Variants in ANK3 observed in about 807,000 individuals in gnomAD.
ANK3 encodes the protein ankyrin-3.
ANK3 carries 57 observed loss-of-function variants against 370.9 expected under a neutral mutation model. That is an observed-to-expected ratio of 0.15 (90% confidence interval 0.12 to 0.19). The LOEUF (loss-of-function observed/expected upper bound fraction) is 0.19, where lower values mean the gene tolerates loss of function less well. ANK3 is among the 10% of genes least tolerant of loss of function. ANK3 has a pLI of 1.00. For synonymous variants in ANK3, 1,929 were observed against 1,946.3 expected, an observed-to-expected ratio of 0.99 and a Z score of 0.23; for missense variants, 4,439 against 5,302.1, an observed-to-expected ratio of 0.84 and a Z score of 5.06.
At chr10:60,062,954 C>G in intron 40 of ANK3, 157 bp downstream of exon 40, 1 of 662,266 alleles carries the variant, frequency 1.5e-6, no homozygotes. Flanking sequence ...CAAGTTTGCT[C>G]TGATATCAGA....
At chr10:60,337,142 T>C (rs1370773016) in intron 1 of ANK3, among the ~76,000 whole-genome samples, 1 of 152,170 alleles carries the variant, frequency 6.6e-6, no homozygotes, top group African/African-American at 2.4e-5. Context: ...GATGGTTTAA[T>C]TATGAGTTGG....
intron 21 of ANK3, among the ~76,000 whole-genome samples, chr10:60,170,913 T>C (rs999851919): frequency 6.6e-6 from 1 of 152,230 alleles, no homozygotes; most frequent in African/African-American, 2.4e-5. Context: ...AACTTTTACA[T>C]GTCTCAAGTC....
intron 1 of ANK3, among the ~76,000 whole-genome samples, chr10:60,336,837 A>G (rs1473789132): frequency 6.6e-6 from 1 of 152,112 alleles, no homozygotes; most frequent in Non-Finnish European, 1.5e-5. Flanking sequence ...AAAGTACCCA[A>G]TGTTTAGACA....
intron 2 of ANK3, among the ~76,000 whole-genome samples, chr10:60,490,094 T>A (rs1057358585): frequency 6.6e-6 from 1 of 152,176 alleles, no homozygotes; most frequent in South Asian, 2.1e-4. Flanking sequence ...AGAGCGCATA[T>A]GTAGGATGAG....
intron 2 of ANK3, among the ~76,000 whole-genome samples, chr10:60,573,294 A>C (rs2077639815): frequency 1.3e-5 from 2 of 152,050 alleles, no homozygotes; most frequent in African/African-American, 2.4e-5. Flanking sequence ...TGCAGGGTTT[A>C]TGACGGAAAG....
intron 7 of ANK3, among the ~76,000 whole-genome samples, chr10:60,245,260 TAA>T (rs2097536507): frequency 1.3e-5 from 2 of 152,260 alleles, no homozygotes; most frequent in African/African-American, 2.4e-5. Context: ...TTAATTTTCT[TAA>T]GAGTATAAAA....
chr10:60,602,117 CTAAG>C (rs927178098), intron 2 of ANK3, among the ~76,000 whole-genome samples: 25 of 152,116 alleles, frequency 1.6e-4, no homozygotes, highest in Admixed American at 7.9e-4. Context: ...AGGCATGACT[CTAAG>C]TGTTATATAT....
At chr10:60,109,986 T>C (rs1023045072) in intron 26 of ANK3, among the ~76,000 whole-genome samples, 5 of 152,076 alleles carry the variant, frequency 3.3e-5, no homozygotes, top group Non-Finnish European at 7.4e-5. Context: ...AGAGTTAAGG[T>C]CAGACAGGGG....
At chr10:60,397,201 TAAA>T (rs200880865) in intron 2 of ANK3, among the ~76,000 whole-genome samples, 1 of 139,892 alleles carries the variant, frequency 7.1e-6, no homozygotes. Flanking sequence ...ATAGTAGGAT[TAAA>T]AAAAAAAAAA....
chr10:60,195,999 C>T, intron 16 of ANK3, 146 bp downstream of exon 16: 3 of 637,354 alleles, frequency 4.7e-6, no homozygotes, highest in Non-Finnish European at 8.2e-6. Flanking sequence ...ACTGAAGGCA[C>T]AGATGTCCTA....
At chr10:60,298,116 T>A (rs2042928067) in intron 1 of ANK3, among the ~76,000 whole-genome samples, 1 of 152,192 alleles carries the variant, frequency 6.6e-6, no homozygotes, top group African/African-American at 2.4e-5. Flanking sequence ...AATGATCTTA[T>A]TATTAGCTAC....
intron 8 of ANK3, among the ~76,000 whole-genome samples, chr10:60,227,537 C>T (rs2097181442): frequency 6.6e-6 from 1 of 152,078 alleles, no homozygotes; most frequent in Admixed American, 6.5e-5. Flanking sequence ...GCCTGTTGGA[C>T]TACATTGTAT....
rs536165369 is a variant in ANK3, at chr10:60,304,117, A to T, written c.115-24478T>A. Among the ~76,000 whole-genome samples the T allele has an allele frequency of 2.6e-5, 4 of 152,190 alleles. No homozygotes were observed. The East Asian group carries it at 7.7e-4, about 29-fold the overall frequency. ...TAGGAGTAGAAGAGAAAATGAGAAG[A>T]TGTTGGTCAAGGGGTACAAAGTTTC... On this transcript the variant is annotated intron_variant, in intron 1 of 43. Transcript: ENST00000280772.
intron 36 of ANK3, 27 bp downstream of exon 36, chr10:60,080,510 G>A: frequency 1.3e-6 from 2 of 1,587,304 alleles, no homozygotes; most frequent in Non-Finnish European, 1.7e-6. Context: ...AATCCACGTA[G>A]ATTAGTAAAT....
intron 1 of ANK3, among the ~76,000 whole-genome samples, chr10:60,670,891 T>A (rs899211328): frequency 2.0e-5 from 3 of 152,186 alleles, no homozygotes; most frequent in African/African-American, 7.2e-5. Context: ...TGTTTTGCTG[T>A]TTTACATTTT....
intron 23 of ANK3, among the ~76,000 whole-genome samples, chr10:60,160,586 A>C (rs1394266075): frequency 2.6e-5 from 4 of 152,130 alleles, no homozygotes; most frequent in Admixed American, 2.6e-4. Context: ...AACCAGACAA[A>C]GACACACACA....
chr10:60,733,079 G>A (rs2080048314), intron 1 of ANK3, among the ~76,000 whole-genome samples: 1 of 151,912 alleles, frequency 6.6e-6, no homozygotes, highest in Admixed American at 6.6e-5. Flanking sequence ...GGCGCAACTG[G>A]ACTCCCACGA....
At chr10:60,236,019 A>C (rs187559558) in intron 7 of ANK3, among the ~76,000 whole-genome samples, 1 of 152,346 alleles carries the variant, frequency 6.6e-6, no homozygotes, top group African/African-American at 2.4e-5. Flanking sequence ...TGATTTTAAA[A>C]AACACAATAA....
chr10:60,717,062 G>A (rs895575387), intron 1 of ANK3, among the ~76,000 whole-genome samples: 6 of 152,018 alleles, frequency 3.9e-5, no homozygotes, highest in Non-Finnish European at 8.8e-5. Flanking sequence ...TTATTAAGCC[G>A]GTATTCCACA....
Sources: allele counts gnomAD v4.1 joint callset (sites outside exome capture counted in the v4.1 genomes callset), GRCh38; gene constraint gnomAD v4.1.1; transcripts MANE v1.5; gene names NCBI Gene and HGNC (gene_info 2026-07-23, HGNC 2026-07-21).